The following LEMD3 variants were observed in gnomAD, a reference collection of about 807,000 sequenced individuals.
The protein encoded by LEMD3 is LEM domain containing 3, also known as inner nuclear membrane protein Man1.
Under a neutral mutation model 95.2 loss-of-function variants are expected in LEMD3, and 33 were observed. The observed-to-expected ratio is 0.35, with a 90% CI of 0.26 to 0.46. The LOEUF (loss-of-function observed/expected upper bound fraction) is 0.46. Among genes scored for constraint, LEMD3 ranks in the 20% least tolerant of loss-of-function variants. The probability of loss-of-function intolerance (pLI) is 1.00; values close to 1 mark genes in which losing one functional copy is unlikely to be tolerated. For synonymous variants in LEMD3, 525 were observed against 474.6 expected (o/e 1.11, Z -1.38); for missense variants, 1,210 against 1,192.8 (o/e 1.01, Z -0.21).
At chr12:65,242,244 T>C (rs1348727991) in intron 9 of LEMD3, among the ~76,000 whole-genome samples, 1 of 152,192 alleles carries the variant, frequency 6.6e-6, no homozygotes, top group East Asian at 1.9e-4. Context: ...CCTCAGACTT[T>C]TTCTTCAGTC....
chr12:65,215,030 AG>A (rs1253954781), intron 2 of LEMD3, among the ~76,000 whole-genome samples: 1 of 152,170 alleles, frequency 6.6e-6, no homozygotes, highest in African/African-American at 2.4e-5. Flanking sequence ...CTGATGCACA[AG>A]TCTGTTTTAC....
In LEMD3 at chr12:65,240,959, A is replaced by G. The variant is rs776038819; in HGVS notation, c.2177A>G (p.Asn726Ser). 10 of 1,614,010 alleles carry G rather than the reference A, an allele frequency of 6.2e-6. No individual in the cohort carries two copies. Among genetic ancestry groups the G allele is most frequent in the Non-Finnish European group, 8.5e-6 (10 of 1,179,976 alleles). The change falls in exon 9 of 13, where the codon AAT (asparagine) becomes AGT (serine). Residue 726 changes from asparagine (N) to serine (S), a missense_variant. Transcript: ENST00000308330. ...AGAGCTGTTGACTTCCTTGCTGCTA[A>G]TGAGTCTAGAGTTCGCACGGAAACA... The part of the protein sequence containing the change: ...WDRAVDFLAA[N>S]ESRVRTETRR...
In LEMD3 at chr12:65,170,863, A is replaced by G; in HGVS notation, c.1267A>G (p.Arg423Gly). 6.2e-7 allele frequency: 1 copy of G among 1,614,240 alleles called. No individual in the cohort carries two copies. Among genetic ancestry groups the G allele is most frequent in the Non-Finnish European group, 8.5e-7 (1 of 1,180,046 alleles). The change falls in exon 1 of 13, where the codon AGG (arginine) becomes GGG (glycine). Residue 423 changes from arginine (R) to glycine (G), a missense_variant. By Grantham distance (125) the Arg-to-Gly change is moderately radical (BLOSUM62 -2). This residue lies in a region of LEMD3 where 749 missense variants were observed against 622.9 expected (regional missense o/e 1.20). Transcript: ENST00000308330. The part of the protein sequence containing the change: ...SAAVAASSSL[R>G]INHANHTGSN... Reference sequence around the variant, plus strand: ...GGCGGTGGCCGCCTCTAGTTCACTCAGGATCAATCACGCCAATCATACGGG... The same window carrying G: ...GGCGGTGGCCGCCTCTAGTTCACTCGGGATCAATCACGCCAATCATACGGG...
intron 1 of LEMD3, among the ~76,000 whole-genome samples, chr12:65,180,067 C>T (rs1389826446): frequency 6.6e-6 from 1 of 152,024 alleles, no homozygotes; most frequent in Non-Finnish European, 1.5e-5. Flanking sequence ...GCCTCCACCT[C>T]CCAAGTATCT....
intron 4 of LEMD3, among the ~76,000 whole-genome samples, chr12:65,237,833 C>A (rs2136353236): frequency 6.6e-6 from 1 of 152,286 alleles, no homozygotes; most frequent in Admixed American, 6.5e-5. Flanking sequence ...AGGCTTACTG[C>A]TTTTATGTGT....
chr12:65,246,029 T>G, intron 12 of LEMD3, 90 bp downstream of exon 12: 1 of 1,293,262 alleles, frequency 7.7e-7, no homozygotes, highest in Non-Finnish European at 1.1e-6. Flanking sequence ...GAATTTAGGT[T>G]AGCATTTTTT....
intron 4 of LEMD3, among the ~76,000 whole-genome samples, chr12:65,229,093 C>G (rs1382548984): frequency 6.6e-6 from 1 of 152,034 alleles, no homozygotes; most frequent in African/African-American, 2.4e-5. Context: ...TCTTAGTAGT[C>G]CTTAACTTGG....
At chr12:65,225,658 G>A (rs559712587) in intron 4 of LEMD3, among the ~76,000 whole-genome samples, 30 of 152,248 alleles carry the variant, frequency 2.0e-4, no homozygotes, top group Non-Finnish European at 3.2e-4. Flanking sequence ...TCAGCTCACT[G>A]CAACCTCTGC....
intron 1 of LEMD3, among the ~76,000 whole-genome samples, chr12:65,207,144 T>C (rs531976045): frequency 2.6e-4 from 39 of 152,286 alleles, no homozygotes; most frequent in African/African-American, 8.4e-4. Context: ...AGCAGCATTA[T>C]TCCTGGCGCG....
At chr12:65,231,008 T>A (rs1415241864) in intron 4 of LEMD3, among the ~76,000 whole-genome samples, 1 of 147,568 alleles carries the variant, frequency 6.8e-6, no homozygotes, top group Non-Finnish European at 1.5e-5. Context: ...TTTAGAAGAT[T>A]TTTTTATCTT....
chr12:65,182,874 A>C (rs1232651219), intron 1 of LEMD3, among the ~76,000 whole-genome samples: 1 of 152,220 alleles, frequency 6.6e-6, no homozygotes, highest in Non-Finnish European at 1.5e-5. Context: ...GTGGCTTGTC[A>C]CATGCCGTTC....
intron 1 of LEMD3, among the ~76,000 whole-genome samples, chr12:65,175,540 T>G (rs866342107): frequency 3.9e-5 from 6 of 152,168 alleles, no homozygotes; most frequent in South Asian, 2.1e-4. Context: ...TTTGGTACAT[T>G]TAGTGCATTG....
chr12:65,170,588 G>A lies in LEMD3; in HGVS notation c.992G>A (p.Ser331Asn), dbSNP rs894231028. 1 of 1,613,922 alleles carries A rather than the reference G, an allele frequency of 6.2e-7. No individual in the cohort carries two copies. Among genetic ancestry groups the A allele is most frequent in the East Asian group, 2.2e-5 (1 of 44,866 alleles). ...RAAAAGSLDRSRNLEEAAAAE... is the reference protein window; with the variant it reads ...RAAAAGSLDRNRNLEEAAAAE... ...GCGGCTGCCGGGAGTCTAGACAGGA[G>A]CCGAAACCTCGAAGAGGCGGCGGCC... The change falls in exon 1 of 13, where the codon AGC becomes AAC. Residue 331 changes from serine to asparagine, a missense_variant. Ser to Asn is a conservative substitution (Grantham distance 46). Around this residue, in one of 2 missense-constraint regions of LEMD3, gnomAD observed 749 missense variants for 622.9 expected, o/e 1.20. Coordinates refer to ENST00000308330, the MANE Select transcript of LEMD3 (RefSeq NM_014319.5).
chr12:65,174,591 C>A (rs1301103356), intron 1 of LEMD3, among the ~76,000 whole-genome samples: 1 of 152,014 alleles, frequency 6.6e-6, no homozygotes, highest in Admixed American at 6.6e-5. Context: ...TAAATAAGTT[C>A]AAGTATTAGA....
chr12:65,235,753 CTG>C (rs1272035377), intron 4 of LEMD3, among the ~76,000 whole-genome samples: 1 of 152,070 alleles, frequency 6.6e-6, no homozygotes, highest in Non-Finnish European at 1.5e-5. Flanking sequence ...TGAGGTATGA[CTG>C]TATATATAAA....
chr12:65,239,955 C>T lies in LEMD3; in HGVS notation c.1948C>T (p.Arg650Cys). 6.2e-7 allele frequency: 1 copy of T among 1,610,720 alleles called. No individual in the cohort carries two copies. The highest frequency in any genetic ancestry group is 8.5e-7 in the Non-Finnish European group (1 of 1,177,324). ...TGTAGTGATGGTTTGTGTCGTTCTG[C>T]GTTACATGAAATATCGATGGACAAA... is the stretch of plus-strand genomic sequence containing the variant. ...LGVVMVCVVL[R>C]YMKYRWTKEE... The change falls in exon 7 of 13, where the codon CGT (arginine) becomes TGT (cysteine). Residue 650 changes from arginine (R) to cysteine (C), a missense_variant. Coordinates refer to ENST00000308330, the MANE Select transcript of LEMD3 (RefSeq NM_014319.5).
chr12:65,230,071 A>T (rs1219460343), intron 4 of LEMD3, among the ~76,000 whole-genome samples: 2 of 152,206 alleles, frequency 1.3e-5, no homozygotes, highest in Non-Finnish European at 2.9e-5. Flanking sequence ...TCCTCTCCCC[A>T]GTGAATGGTC....
At chr12:65,174,646 G>GTGTGTGTGTGTGTA (rs773490879) in intron 1 of LEMD3, among the ~76,000 whole-genome samples, 2 of 151,026 alleles carry the variant, frequency 1.3e-5, no homozygotes, top group Non-Finnish European at 3.0e-5. Flanking sequence ...ATACATCTCT[G>GTGTGTGTGTGTGTA]TGTGTGTGTG....
intron 2 of LEMD3, 42 bp from the exon 3 acceptor site, chr12:65,215,935 T>TTTTTGTA: frequency 5.7e-6 from 5 of 872,294 alleles, no homozygotes; most frequent in South Asian, 1.7e-5. Context: ...GTGTTTTTTT[T>TTTTTGTA]CTTGTAATTG....
Sources: allele counts gnomAD v4.1 joint callset (sites outside exome capture counted in the v4.1 genomes callset), GRCh38; gene constraint gnomAD v4.1.1; regional missense constraint gnomAD v4.1.1; transcripts MANE v1.5; gene names NCBI Gene and HGNC (gene_info 2026-07-23, HGNC 2026-07-21).